FBN2: variants seen among roughly 807,000 people sequenced by gnomAD.
The protein encoded by FBN2 is fibrillin-2.
Under a neutral mutation model 355.6 loss-of-function variants are expected in FBN2, and 105 were observed. That is an observed-to-expected ratio of 0.30 (90% CI 0.25 to 0.35). FBN2 has a LOEUF of 0.35. FBN2 is among the 10% of genes least tolerant of loss of function. The pLI, the probability that FBN2 is intolerant of heterozygous loss-of-function variation, is 1.00. For synonymous variants in FBN2, 1,350 were observed against 1,301.2 expected, an observed-to-expected ratio of 1.04 and a Z score of -0.81; for missense variants, 3,280 against 3,758.7, an observed-to-expected ratio of 0.87 and a Z score of 3.33.
intron 55 of FBN2, among the ~76,000 whole-genome samples, chr5:128,285,407 A>G (rs1283534943): frequency 6.6e-6 from 1 of 152,236 alleles, no homozygotes; most frequent in Non-Finnish European, 1.5e-5. Context: ...TTTTGCAGAC[A>G]TTTCAGCTAT....
rs779482726 is a variant in FBN2 at position 128,527,955 on chromosome 5, C to G, written c.449G>C (p.Ser150Thr). Residue 150 changes from serine (S) to threonine (T), a missense_variant, in exon 4 of 65, where the codon AGT becomes ACT. By Grantham distance (58) the Ser-to-Thr change is moderately conservative. Transcript: ENST00000262464. ...GGTCCCACCATTCATGCATCTCACA[C>G]TGCACTGCTGAACTGCAAAGAGCAA... ...TCGSKSIQQC[S>T]VRCMNGGTCA... is the part of the protein sequence containing the mutation. The G allele has an allele frequency of 1.9e-6, 3 of 1,610,458 alleles. No individual in the cohort carries two copies. In the African/African-American group the frequency reaches 4.0e-5, roughly 22 times the overall value.
At chr5:128,408,908 G>T in intron 7 of FBN2, 109 bp from the exon 8 acceptor site, 1 of 1,175,202 alleles carries the variant, frequency 8.5e-7, no homozygotes, top group Non-Finnish European at 1.3e-6. Context: ...GATTAGGTCA[G>T]ATCATATAAC....
intron 8 of FBN2, among the ~76,000 whole-genome samples, chr5:128,404,970 G>A (rs1292895032): frequency 2.6e-5 from 4 of 152,084 alleles, no homozygotes; most frequent in Non-Finnish European, 5.9e-5. Context: ...TCAGGAGTTC[G>A]AGACCAGCCT....
intron 5 of FBN2, among the ~76,000 whole-genome samples, chr5:128,468,632 T>C (rs949671363): frequency 1.3e-5 from 2 of 152,210 alleles, no homozygotes; most frequent in African/African-American, 2.4e-5. Context: ...TATTTGCTGT[T>C]TTCTACAATT....
At chr5:128,535,383 G>T (rs574957874) in intron 2 of FBN2, among the ~76,000 whole-genome samples, 1 of 152,320 alleles carries the variant, frequency 6.6e-6, no homozygotes, top group African/African-American at 2.4e-5. Context: ...CTTGGTTAGT[G>T]TGCCTTGCCC....
intron 5 of FBN2, among the ~76,000 whole-genome samples, chr5:128,493,710 G>A (rs573855797): frequency 2.6e-5 from 4 of 152,290 alleles, no homozygotes; most frequent in African/African-American, 9.6e-5. Flanking sequence ...TGTGATACTG[G>A]AAGGATGACT....
intron 51 of FBN2, 102 bp downstream of exon 51, chr5:128,289,780 A>G (rs988408991): frequency 1.4e-6 from 1 of 717,848 alleles, no homozygotes; most frequent in African/African-American, 1.9e-5. Flanking sequence ...AATACAATAT[A>G]CTATATGTTA....
chr5:128,269,306 A>C (rs929656974), intron 62 of FBN2, among the ~76,000 whole-genome samples: 6 of 147,798 alleles, frequency 4.1e-5, no homozygotes, highest in African/African-American at 1.5e-4. Context: ...TAATAATAAT[A>C]AACTAATAAT....
intron 5 of FBN2, among the ~76,000 whole-genome samples, chr5:128,495,476 A>T (rs1243457963): frequency 6.6e-6 from 1 of 152,170 alleles, no homozygotes; most frequent in Non-Finnish European, 1.5e-5. Flanking sequence ...TTAAGTAGTA[A>T]AAATGCAAAG....
intron 32 of FBN2, among the ~76,000 whole-genome samples, chr5:128,330,922 G>A (rs909054046): frequency 3.3e-5 from 5 of 152,144 alleles, no homozygotes; most frequent in South Asian, 2.1e-4. Flanking sequence ...TCTAGTCAAC[G>A]TGAATTTTTT....
rs1035387323 is a variant in FBN2 at position 128,258,188 on chromosome 5, A to G, written c.*1267T>C. On this transcript the variant is annotated 3_prime_UTR_variant, in exon 65 of 65. Coordinates refer to ENST00000262464, the MANE Select transcript of FBN2 (RefSeq NM_001999.4). The stretch of plus-strand genomic sequence containing the variant: ...TATGAGGTTTGGTCACTGGTCCAGG[A>G]AACAGGTTCTTGGGTTGAGAAGAAT... The G allele has an allele frequency of 6.6e-6, 1 of 152,596 alleles. No individual in the cohort carries two copies. Among genetic ancestry groups the G allele is most frequent in the African/African-American group, 2.4e-5 (1 of 41,440 alleles). 9.5% of individuals were successfully genotyped at this position (152,596 alleles called of 1,614,324 possible). A position where few individuals can be genotyped will look rare whatever the true frequency, so the allele number is the denominator to read the frequency against.
At chr5:128,522,291 A>G (rs929131562) in intron 4 of FBN2, among the ~76,000 whole-genome samples, 6 of 152,108 alleles carry the variant, frequency 3.9e-5, no homozygotes, top group Non-Finnish European at 7.4e-5. Context: ...AGAACTCAAC[A>G]AACTCCCGCA....
At chr5:128,264,956 T>A (rs529340321) in intron 62 of FBN2, among the ~76,000 whole-genome samples, 1 of 152,318 alleles carries the variant, frequency 6.6e-6, no homozygotes, top group East Asian at 1.9e-4. Context: ...CATTTTTGTA[T>A]CATGATTCTG....
chr5:128,358,682 C>A (rs754885372), intron 19 of FBN2, among the ~76,000 whole-genome samples: 20 of 151,688 alleles, frequency 1.3e-4, no homozygotes, highest in Non-Finnish European at 2.8e-4. Flanking sequence ...AACATCAATC[C>A]GAGTAGAGAA....
At chr5:128,328,912 T>C in intron 33 of FBN2, 91 bp from the exon 34 acceptor site, 2 of 1,344,028 alleles carry the variant, frequency 1.5e-6, no homozygotes, top group Non-Finnish European at 2.1e-6. Flanking sequence ...TTTTACTGGC[T>C]TGACTTAATG....
intron 6 of FBN2, among the ~76,000 whole-genome samples, chr5:128,450,764 A>G (rs1032073906): frequency 1.3e-5 from 2 of 152,118 alleles, no homozygotes; most frequent in African/African-American, 2.4e-5. Context: ...AAATCAGTTG[A>G]TTTTTATAAT....
chr5:128,526,339 G>A (rs1249375226), intron 4 of FBN2, among the ~76,000 whole-genome samples: 2 of 152,050 alleles, frequency 1.3e-5, no homozygotes, highest in African/African-American at 4.8e-5. Flanking sequence ...AAACAGTATG[G>A]CAGCATTTCA....
intron 33 of FBN2, among the ~76,000 whole-genome samples, chr5:128,329,203 T>C (rs1219128843): frequency 1.3e-5 from 2 of 152,134 alleles, no homozygotes; most frequent in East Asian, 3.9e-4. Flanking sequence ...TTTGAGAAAA[T>C]TATAGTATTC....
chr5:128,513,044 T>G (rs2127154340), intron 5 of FBN2, among the ~76,000 whole-genome samples: 1 of 152,336 alleles, frequency 6.6e-6, no homozygotes, highest in East Asian at 1.9e-4. Context: ...GACTACAGCC[T>G]GTGTTCTAAA....
Sources: gnomAD v4.1 joint callset for allele counts (sites outside exome capture counted in the v4.1 genomes callset) on GRCh38, gnomAD v4.1.1 for gene constraint, MANE v1.5 for transcripts, NCBI Gene and HGNC (gene_info 2026-07-23, HGNC 2026-07-21) for gene names.